The following TRIM24 variants were observed in gnomAD, a reference collection of about 807,000 sequenced individuals.
The protein encoded by TRIM24 is transcription intermediary factor 1-alpha.
A neutral mutation model predicts 123.9 loss-of-function variants in TRIM24; 29 were observed. The observed-to-expected ratio is 0.23, with a 90% CI of 0.17 to 0.32. The LOEUF (loss-of-function observed/expected upper bound fraction) is 0.32. Among genes scored for constraint, TRIM24 ranks in the 10% least tolerant of loss-of-function variants. The probability of loss-of-function intolerance (pLI) is 1.00; values close to 1 mark genes in which losing one functional copy is unlikely to be tolerated. For synonymous variants in TRIM24, 456 were observed against 461.1 expected (o/e 0.99, Z 0.14); for missense variants, 932 against 1,295.3 (o/e 0.72, Z 4.31).
At position 138,522,003 on chromosome 7, in the gene TRIM24, G is replaced by C. The variant is rs528620774; in HGVS notation, c.764+2682G>C. Among the ~76,000 whole-genome samples, 12 of 152,248 alleles carry C rather than the reference G, an allele frequency of 7.9e-5. No homozygotes were observed. The East Asian group carries it at 2.1e-3, about 27-fold the overall frequency. ...AAGCCGAGCAGTGTGGCAGGTGCCTGTAAGTGCTAGCTACCTAGCTACTCG... is the reference window on the plus strand; with the variant it reads ...AAGCCGAGCAGTGTGGCAGGTGCCTCTAAGTGCTAGCTACCTAGCTACTCG... On this transcript the variant is annotated intron_variant, in intron 4 of 18. Transcript: ENST00000343526.
intron 6 of TRIM24, among the ~76,000 whole-genome samples, chr7:138,533,759 T>G (rs1198578070): frequency 1.3e-5 from 2 of 152,228 alleles, no homozygotes; most frequent in African/African-American, 2.4e-5. Flanking sequence ...TCCCTGTTTT[T>G]CTATTCGTTG....
rs745620332 is a variant in TRIM24 at position 138,554,687 on chromosome 7, T to C, written c.1262-11T>C. 6.2e-7 allele frequency: 1 copy of C among 1,607,948 alleles called. No individual in the cohort carries two copies. The highest frequency in any genetic ancestry group is 1.7e-5 in the Admixed American group (1 of 59,620). ...AAAAACTGTTTCCCTTAACCTTTTCTTTTTAATTAGGTTCTTTAGTAATCG... is the reference window on the plus strand; with the variant it reads ...AAAAACTGTTTCCCTTAACCTTTTCCTTTTAATTAGGTTCTTTAGTAATCG... On this transcript the variant is annotated splice_polypyrimidine_tract_variant and intron_variant, in intron 8 of 18. Coordinates refer to ENST00000343526, the MANE Select transcript of TRIM24 (RefSeq NM_015905.3). The surrounding 1 kb of genome is among the most constrained non-coding windows in gnomAD (Gnocchi z 4.5).
At chr7:138,477,493 C>T (rs779747312) in intron 1 of TRIM24, among the ~76,000 whole-genome samples, 8 of 152,144 alleles carry the variant, frequency 5.3e-5, no homozygotes, top group Non-Finnish European at 7.3e-5. Context: ...AGTAACTCTC[C>T]CTGCTTCCCC....
chr7:138,506,079 T>A (rs949015738), intron 2 of TRIM24, among the ~76,000 whole-genome samples: 1 of 152,220 alleles, frequency 6.6e-6, no homozygotes, highest in Admixed American at 6.5e-5. Context: ...TACTTTTTGT[T>A]GAATTTTTAG....
At chr7:138,483,105 G>GT (rs528359751) in intron 1 of TRIM24, among the ~76,000 whole-genome samples, 41 of 140,646 alleles carry the variant, frequency 2.9e-4, no homozygotes, top group Non-Finnish European at 4.2e-4. Flanking sequence ...TTTTTGTAGC[G>GT]GGGGGGGTCT....
intron 7 of TRIM24, among the ~76,000 whole-genome samples, chr7:138,550,803 G>A (rs1333261562): frequency 6.6e-6 from 1 of 152,258 alleles, no homozygotes; most frequent in East Asian, 1.9e-4. Flanking sequence ...ATTTGAGTTA[G>A]TGATTCTGCA....
chr7:138,461,833 T>C (rs1219164929), intron 1 of TRIM24, among the ~76,000 whole-genome samples: 2 of 152,196 alleles, frequency 1.3e-5, no homozygotes, highest in Non-Finnish European at 2.9e-5. Flanking sequence ...TAATACTTTT[T>C]AGAGGAAATA....
intron 14 of TRIM24, among the ~76,000 whole-genome samples, chr7:138,578,794 C>T (rs1584749245): frequency 6.6e-6 from 1 of 152,038 alleles, no homozygotes; most frequent in East Asian, 1.9e-4. Flanking sequence ...TTTTTGAAAA[C>T]ATTTGAAGGA....
Position 138,538,773 on chromosome 7 carries a change from C to T in TRIM24, c.1113C>T (p.Ser371=). The change falls in exon 7 of 19, where the codon AGC becomes AGT. Residue 371 remains serine, a synonymous_variant. Coordinates refer to ENST00000343526, the MANE Select transcript of TRIM24 (RefSeq NM_015905.3). ...HFSKWAVSSG[S]STALLYSKRL... ...CTAAATGGGCAGTTTCCAGTGGCAG[C>T]AGTACAGCATTACTTTATAGCAAAC... The T allele has an allele frequency of 6.2e-7, 1 of 1,613,876 alleles. No homozygotes were observed. The highest frequency in any genetic ancestry group is 8.5e-7 in the Non-Finnish European group (1 of 1,179,884).
At chr7:138,474,275 G>A (rs1433281979) in intron 1 of TRIM24, among the ~76,000 whole-genome samples, 1 of 151,826 alleles carries the variant, frequency 6.6e-6, no homozygotes, top group Non-Finnish European at 1.5e-5. Flanking sequence ...ACAGGCGTCC[G>A]CTACTGCGCC....
intron 1 of TRIM24, among the ~76,000 whole-genome samples, chr7:138,479,663 A>AGCCACCG: frequency 2.1e-5 from 3 of 144,068 alleles, no homozygotes; most frequent in Non-Finnish European, 3.1e-5. Context: ...CAGGCATGTG[A>AGCCACCG]CGCCTGGCTA....
intron 1 of TRIM24, among the ~76,000 whole-genome samples, chr7:138,489,415 G>A (rs1032350473): frequency 2.0e-5 from 3 of 152,100 alleles, no homozygotes; most frequent in Admixed American, 1.3e-4. Context: ...TATTTTGCCC[G>A]TTAGTTGATG....
chr7:138,497,080 C>T (rs994136249), intron 1 of TRIM24, among the ~76,000 whole-genome samples: 1 of 152,146 alleles, frequency 6.6e-6, no homozygotes, highest in Non-Finnish European at 1.5e-5. Flanking sequence ...CAGGGTAATA[C>T]TGGCCTCATA....
At position 138,566,595 on chromosome 7, in the gene TRIM24, G is replaced by A. The variant is rs921596581; in HGVS notation, c.1531-886G>A. On this transcript the variant is annotated intron_variant, in intron 9 of 18. Coordinates refer to ENST00000343526, the MANE Select transcript of TRIM24 (RefSeq NM_015905.3). ...TATCTTAACAGCCAGCTAAGCACCC[G>A]AACATGTTTTGGTAATGATATGGCA... is the stretch of plus-strand genomic sequence containing the variant. Among the ~76,000 whole-genome samples the A allele has an allele frequency of 5.3e-5, 8 of 152,196 alleles. No homozygotes were observed. In the East Asian group the frequency reaches 9.6e-4, roughly 18 times the overall value.
intron 1 of TRIM24, among the ~76,000 whole-genome samples, chr7:138,500,158 A>G (rs771584952): frequency 1.3e-5 from 2 of 152,230 alleles, no homozygotes; most frequent in African/African-American, 2.4e-5. Flanking sequence ...TCAAAACATA[A>G]GCCCTGCATT....
intron 1 of TRIM24, among the ~76,000 whole-genome samples, chr7:138,471,831 G>A (rs763873415): frequency 7.9e-5 from 12 of 152,118 alleles, no homozygotes; most frequent in East Asian, 1.9e-4. Context: ...ATGAGCCACC[G>A]CACCCGGCCT....
chr7:138,514,612 C>G (rs912027944), intron 2 of TRIM24: 6 of 152,152 alleles, frequency 3.9e-5, no homozygotes, highest in African/African-American at 1.4e-4. Flanking sequence ...CATGCTTTCC[C>G]CAGCCTTCCA....
chr7:138,532,464 G>A (rs1389196396), intron 6 of TRIM24, among the ~76,000 whole-genome samples: 2 of 151,832 alleles, frequency 1.3e-5, no homozygotes, highest in African/African-American at 2.4e-5. Flanking sequence ...ACCATTTATT[G>A]AATAGGGAAT....
At chr7:138,561,517 G>A (rs1382239380) in intron 9 of TRIM24, among the ~76,000 whole-genome samples, 1 of 152,148 alleles carries the variant, frequency 6.6e-6, no homozygotes, top group Non-Finnish European at 1.5e-5. Context: ...ATCCATTAAA[G>A]TTATAACCGA....
Sources: gnomAD v4.1 joint callset for allele counts (sites outside exome capture counted in the v4.1 genomes callset) on GRCh38, gnomAD v4.1.1 for gene constraint, Gnocchi (gnomAD v3.1) non-coding constraint, MANE v1.5 for transcripts, NCBI Gene and HGNC (gene_info 2026-07-23, HGNC 2026-07-21) for gene names.